The following SYT1 variants were observed in gnomAD, a reference collection of about 807,000 sequenced individuals.
SYT1 encodes synaptotagmin 1.
Under a neutral mutation model 44.8 loss-of-function variants are expected in SYT1, and 8 were observed. The observed-to-expected ratio is 0.18, with a 90% CI of 0.10 to 0.32. The LOEUF (loss-of-function observed/expected upper bound fraction) is 0.32, where lower values mean the gene tolerates loss of function less well. SYT1 is among the 10% of genes least tolerant of loss of function. The pLI is 1.00. For synonymous variants in SYT1, 154 were observed against 188.8 expected (o/e 0.82, Z 1.51); for missense variants, 286 against 509.3 (o/e 0.56, Z 4.22).
At chr12:79,120,255 A>G (rs1879521482) in intron 3 of SYT1, among the ~76,000 whole-genome samples, 1 of 152,190 alleles carries the variant, frequency 6.6e-6, no homozygotes, top group African/African-American at 2.4e-5. Flanking sequence ...ACAAATTGAT[A>G]TAAACATGGG....
At chr12:79,064,962 AAG>A (rs1011880094) in intron 3 of SYT1, among the ~76,000 whole-genome samples, 12 of 150,592 alleles carry the variant, frequency 8.0e-5, no homozygotes, top group African/African-American at 2.7e-4. Flanking sequence ...GAAAGAAAGA[AAG>A]AAAGAAAGAA....
intron 9 of SYT1, among the ~76,000 whole-genome samples, chr12:79,381,888 T>C (rs1001117800): frequency 6.6e-6 from 1 of 152,076 alleles, no homozygotes; most frequent in African/African-American, 2.4e-5. Context: ...AAACACTAAT[T>C]ATAGAGTATT....
At chr12:79,056,625 G>A (rs185345897) in intron 3 of SYT1, among the ~76,000 whole-genome samples, 1 of 152,018 alleles carries the variant, frequency 6.6e-6, no homozygotes. Flanking sequence ...AGACTGAACA[G>A]ATGTCCAGAA....
At chr12:78,919,380 G>T (rs1876853066) in intron 1 of SYT1, among the ~76,000 whole-genome samples, 1 of 152,058 alleles carries the variant, frequency 6.6e-6, no homozygotes, top group Non-Finnish European at 1.5e-5. Flanking sequence ...AGACCAGGGA[G>T]CTGAACACAA....
chr12:79,263,036 C>T (rs1452101318), intron 4 of SYT1, among the ~76,000 whole-genome samples: 1 of 152,188 alleles, frequency 6.6e-6, no homozygotes, highest in African/African-American at 2.4e-5. Context: ...AACATATGGT[C>T]GCTTACTGCC....
At chr12:79,362,664 T>TG (rs113961569) in intron 9 of SYT1, among the ~76,000 whole-genome samples, 13,653 of 152,158 alleles carry the variant, frequency 0.09, 1,389 homozygotes, top group African/African-American at 0.25. Flanking sequence ...CTTTGTGGTC[T>TG]GAAAAGGATA....
chr12:79,001,562 T>G (rs1870744644), intron 2 of SYT1, among the ~76,000 whole-genome samples: 1 of 152,148 alleles, frequency 6.6e-6, no homozygotes, highest in Non-Finnish European at 1.5e-5. Flanking sequence ...TCAGGTGCTA[T>G]TAGTGACTAT....
intron 1 of SYT1, among the ~76,000 whole-genome samples, chr12:78,901,654 A>C (rs1875671112): frequency 6.6e-6 from 1 of 152,162 alleles, no homozygotes; most frequent in African/African-American, 2.4e-5. Context: ...TTGTGAAAAC[A>C]AGTCCAAATA....
intron 8 of SYT1, among the ~76,000 whole-genome samples, chr12:79,311,304 A>C (rs1289157232): frequency 6.6e-6 from 1 of 152,162 alleles, no homozygotes; most frequent in African/African-American, 2.4e-5. Context: ...AATGCAAATC[A>C]AAACTGCAAT....
intron 4 of SYT1, among the ~76,000 whole-genome samples, chr12:79,278,345 T>G (rs1236301446): frequency 6.6e-6 from 1 of 152,052 alleles, no homozygotes; most frequent in Non-Finnish European, 1.5e-5. Flanking sequence ...AAACTAAAAA[T>G]CAATTTTAGG....
At chr12:79,293,432 C>T (rs1879734108) in intron 6 of SYT1, among the ~76,000 whole-genome samples, 1 of 150,880 alleles carries the variant, frequency 6.6e-6, no homozygotes, top group Non-Finnish European at 1.5e-5. Flanking sequence ...TAAGACATAG[C>T]CCTTCTCCAA....
chr12:79,254,069 C>A (rs1877379764), intron 4 of SYT1, among the ~76,000 whole-genome samples: 2 of 152,160 alleles, frequency 1.3e-5, no homozygotes, highest in African/African-American at 4.8e-5. Flanking sequence ...TTCCAGAAGA[C>A]TGATGAAGGT....
intron 3 of SYT1, among the ~76,000 whole-genome samples, chr12:79,116,786 G>A (rs2138113424): frequency 6.6e-6 from 1 of 152,244 alleles, no homozygotes; most frequent in African/African-American, 2.4e-5. Flanking sequence ...TGTGAGCTCT[G>A]GGAGGTCAAG....
At chr12:79,371,066 C>T (rs1883768792) in intron 9 of SYT1, among the ~76,000 whole-genome samples, 1 of 152,180 alleles carries the variant, frequency 6.6e-6, no homozygotes, top group African/African-American at 2.4e-5. Context: ...CTAGTCAGTG[C>T]TTTCTCTGCT....
rs1033237147 is a variant in SYT1, at chr12:79,153,825, G to C, written c.-17-63678G>C. On this transcript the variant is annotated intron_variant, in intron 3 of 10. Coordinates refer to ENST00000261205, the MANE Select transcript of SYT1 (RefSeq NM_005639.3). ...GTTTGTCTGCCCATGTATTCAATTA[G>C]ACATTTGAGGTTCAGAAATAAAATC... is the stretch of plus-strand genomic sequence containing the variant. 5.9e-5 allele frequency among the ~76,000 whole-genome samples: 9 copies of C among 151,982 alleles called. No individual in the cohort carries two copies. The East Asian group carries it at 1.5e-3, about 26-fold the overall frequency.
At chr12:79,045,158 GC>G (rs1873925133) in intron 2 of SYT1, among the ~76,000 whole-genome samples, 1 of 152,228 alleles carries the variant, frequency 6.6e-6, no homozygotes, top group African/African-American at 2.4e-5. Context: ...CCCAGTTCGA[GC>G]TTCCCGGCTG....
chr12:78,894,235 A>G (rs539642341), intron 1 of SYT1, among the ~76,000 whole-genome samples: 1 of 148,378 alleles, frequency 6.7e-6, no homozygotes, highest in Admixed American at 6.8e-5. Flanking sequence ...CCTCCTCTCT[A>G]GGCAGTTGTT....
At chr12:79,027,272 C>A (rs1872593704) in intron 2 of SYT1, among the ~76,000 whole-genome samples, 1 of 151,380 alleles carries the variant, frequency 6.6e-6, no homozygotes, top group Non-Finnish European at 1.5e-5. Context: ...TAAATAGGCT[C>A]TCCTCCCTGT....
intron 3 of SYT1, among the ~76,000 whole-genome samples, chr12:79,141,638 T>A (rs912903586): frequency 6.6e-6 from 1 of 152,146 alleles, no homozygotes; most frequent in Non-Finnish European, 1.5e-5. Context: ...AGGAAAAAGA[T>A]AAAAAATATC....
Sources: allele counts gnomAD v4.1 joint callset (sites outside exome capture counted in the v4.1 genomes callset), GRCh38; gene constraint gnomAD v4.1.1; transcripts MANE v1.5; gene names NCBI Gene and HGNC (gene_info 2026-07-23, HGNC 2026-07-21).